The following KCNN2 variants were observed in gnomAD, a reference collection of about 807,000 sequenced individuals.
The protein encoded by KCNN2 is small conductance calcium-activated potassium channel protein 2.
A neutral mutation model predicts 55.5 loss-of-function variants in KCNN2; 24 were observed. The ratio of observed to expected loss-of-function variants is 0.43; its 90% CI spans 0.31 to 0.61. The LOEUF is 0.61. KCNN2 is among the 20% of genes least tolerant of loss of function. KCNN2 has a pLI of 0.08. For missense variants in KCNN2, 754 were observed against 853.6 expected, an observed-to-expected ratio of 0.88 and a Z score of 1.45; for synonymous variants, 431 against 336.1, an observed-to-expected ratio of 1.28 and a Z score of -3.09.
Position 114,463,481 on chromosome 5 carries a change from T to A in KCNN2, c.1779+291T>A, listed in dbSNP as rs528201761. On this transcript the variant is annotated intron_variant, in intron 4 of 7. Transcript: ENST00000673685. Reference sequence around the variant, plus strand: ...CTTTGGCTTCAGAATCAGGAAGTCCTTTAAGACTGTGTCCTCCCATCTCCT... The same window carrying A: ...CTTTGGCTTCAGAATCAGGAAGTCCATTAAGACTGTGTCCTCCCATCTCCT... 3.9e-5 allele frequency among the ~76,000 whole-genome samples: 6 copies of A among 152,376 alleles called. No homozygotes were observed. In the East Asian group the frequency reaches 1.2e-3, roughly 29 times the overall value.
intron 1 of KCNN2, among the ~76,000 whole-genome samples, chr5:114,150,957 G>C (rs541954114): frequency 4.9e-4 from 75 of 152,258 alleles, no homozygotes; most frequent in African/African-American, 1.8e-3. Flanking sequence ...GGAGGCAGAG[G>C]TTGCGGTGAG....
At chr5:114,403,315 A>G (rs892695006) in intron 2 of KCNN2, among the ~76,000 whole-genome samples, 11 of 152,220 alleles carry the variant, frequency 7.2e-5, no homozygotes, top group African/African-American at 2.2e-4. Context: ...ATCAAGCTGG[A>G]TAATAACATT....
chr5:114,162,689 G>T (rs1365220998), intron 1 of KCNN2, among the ~76,000 whole-genome samples: 2 of 152,164 alleles, frequency 1.3e-5, no homozygotes, highest in Non-Finnish European at 2.9e-5. Flanking sequence ...ACCTGCTGAA[G>T]CCTCAGCAAT....
At chr5:114,284,362 A>G (rs1318691150) in intron 2 of KCNN2, among the ~76,000 whole-genome samples, 1 of 152,154 alleles carries the variant, frequency 6.6e-6, no homozygotes, top group African/African-American at 2.4e-5. Flanking sequence ...GATTTTTAAA[A>G]AATTTCTGTT....
At position 114,289,229 on chromosome 5, in the gene KCNN2, G is replaced by T. The variant is rs543569984; in HGVS notation, c.-185+67664G>T. Among the ~76,000 whole-genome samples the T allele has an allele frequency of 1.4e-3, 214 of 152,144 alleles. 1 individual carries two copies. The highest frequency in any genetic ancestry group is 5.0e-3 in the African/African-American group (207 of 41,512). On this transcript the variant is annotated intron_variant, in intron 2 of 10. Transcript: ENST00000512097. ...ATGTTTATCCTTATGCCAGTACCAC[G>T]CTGTTTGGATTGCCATAACTTTATG...
intron 1 of KCNN2, among the ~76,000 whole-genome samples, chr5:114,070,009 G>T (rs537114814): frequency 6.6e-6 from 1 of 152,308 alleles, no homozygotes; most frequent in Non-Finnish European, 1.5e-5. Context: ...TTTCTGGGAA[G>T]ACAGCTCAAA....
At chr5:114,089,220 G>A (rs542160123) in intron 1 of KCNN2, among the ~76,000 whole-genome samples, 4 of 152,224 alleles carry the variant, frequency 2.6e-5, no homozygotes, top group Non-Finnish European at 5.9e-5. Context: ...GTTGAATTTT[G>A]TTCTGGCAAT....
intron 2 of KCNN2, among the ~76,000 whole-genome samples, chr5:114,390,840 G>A (rs1758430117): frequency 6.6e-6 from 1 of 152,162 alleles, no homozygotes; most frequent in Non-Finnish European, 1.5e-5. Flanking sequence ...TAATGTGAAT[G>A]TGAACATAAT....
chr5:114,224,279 A>G (rs1754200278), intron 2 of KCNN2, among the ~76,000 whole-genome samples: 1 of 152,204 alleles, frequency 6.6e-6, no homozygotes, highest in African/African-American at 2.4e-5. Context: ...TGCCTTCTCT[A>G]TTATTATTTC....
chr5:114,081,309 A>T (rs1275157810), intron 1 of KCNN2, among the ~76,000 whole-genome samples: 1 of 152,148 alleles, frequency 6.6e-6, no homozygotes, highest in African/African-American at 2.4e-5. Context: ...TTTATATGGA[A>T]TCTCAAGGCA....
chr5:114,092,001 C>T (rs1286707021), intron 1 of KCNN2, among the ~76,000 whole-genome samples: 1 of 152,190 alleles, frequency 6.6e-6, no homozygotes. Flanking sequence ...CATTTTAAAA[C>T]CAATCATGCC....
At chr5:114,443,306 G>T (rs1296858446) in intron 3 of KCNN2, among the ~76,000 whole-genome samples, 1 of 137,734 alleles carries the variant, frequency 7.3e-6, no homozygotes, top group African/African-American at 2.7e-5. Flanking sequence ...AAGAAACAAA[G>T]AAAAAAGAAA....
intron 2 of KCNN2, among the ~76,000 whole-genome samples, chr5:114,322,198 G>A (rs1321036954): frequency 3.3e-5 from 5 of 152,176 alleles, no homozygotes; most frequent in African/African-American, 9.7e-5. Flanking sequence ...ATCTACTGTA[G>A]TAAGTTCCTC....
In KCNN2 at chr5:114,413,842, C is replaced by A. The variant is rs117532844; in HGVS notation, c.1637+8986C>A. Among the ~76,000 whole-genome samples, 6 of 152,264 alleles carry A rather than the reference C, an allele frequency of 3.9e-5. No homozygotes were observed. The East Asian group carries it at 1.2e-3, about 29-fold the overall frequency. ...GTACAGATTTCATGGAATAGAGGTCCTAAGTGTTTTCTGACTTTGAAAATC... is the reference window on the plus strand; with the variant it reads ...GTACAGATTTCATGGAATAGAGGTCATAAGTGTTTTCTGACTTTGAAAATC... On this transcript the variant is annotated intron_variant, in intron 3 of 7. Coordinates refer to ENST00000673685, the MANE Select transcript of KCNN2 (RefSeq NM_021614.4).
chr5:114,307,856 T>C (rs1756315282), intron 2 of KCNN2, among the ~76,000 whole-genome samples: 1 of 152,086 alleles, frequency 6.6e-6, no homozygotes, highest in South Asian at 2.1e-4. Flanking sequence ...TAGGACTGGA[T>C]CCATGGGTGC....
intron 1 of KCNN2, among the ~76,000 whole-genome samples, chr5:114,162,811 A>G (rs1310069560): frequency 6.6e-6 from 1 of 152,110 alleles, no homozygotes; most frequent in Non-Finnish European, 1.5e-5. Context: ...CAGGTGTGGG[A>G]TATAATCTCC....
intron 1 of KCNN2, among the ~76,000 whole-genome samples, chr5:114,078,092 TGTA>T (rs1750722584): frequency 6.6e-6 from 1 of 152,186 alleles, no homozygotes; most frequent in Non-Finnish European, 1.5e-5. Context: ...ATTGTGCAAA[TGTA>T]GTGCAGAAAA....
chr5:114,236,767 TA>T (rs1561534854), intron 2 of KCNN2, among the ~76,000 whole-genome samples: 3 of 152,164 alleles, frequency 2.0e-5, no homozygotes, highest in Non-Finnish European at 4.4e-5. Context: ...TCATTGCTTG[TA>T]TAAGTATTAT....
At chr5:114,447,426 T>C (rs946065530) in intron 3 of KCNN2, among the ~76,000 whole-genome samples, 7 of 152,252 alleles carry the variant, frequency 4.6e-5, no homozygotes, top group Admixed American at 1.3e-4. Flanking sequence ...CTGGGTTTGA[T>C]AGGTTCTTGT....
Sources: gnomAD v4.1 joint callset for allele counts (sites outside exome capture counted in the v4.1 genomes callset) on GRCh38, gnomAD v4.1.1 for gene constraint, MANE v1.5 for transcripts, NCBI Gene and HGNC (gene_info 2026-07-23, HGNC 2026-07-21) for gene names.